IL6R: variants seen among roughly 807,000 people sequenced by gnomAD.
The protein encoded by IL6R is interleukin-6 receptor subunit alpha.
Under a neutral mutation model 48.3 loss-of-function variants are expected in IL6R, and 38 were observed. That is an observed-to-expected ratio of 0.79 (90% CI 0.61 to 1.03). The LOEUF (loss-of-function observed/expected upper bound fraction) is 1.03. IL6R is among the 50% of genes least tolerant of loss of function. The pLI is 0.00. For missense variants in IL6R, 534 were observed against 618.3 expected, an observed-to-expected ratio of 0.86 and a Z score of 1.45; for synonymous variants, 264 against 256.2, an observed-to-expected ratio of 1.03 and a Z score of -0.29.
chr1:154,434,770 C>T (rs554999928), intron 4 of IL6R, 70 bp downstream of exon 4: 91 of 1,468,376 alleles, frequency 6.2e-5, no homozygotes, highest in Non-Finnish European at 8.1e-5. Flanking sequence ...ATCGACTTCT[C>T]AGAGTGGCAG....
At chr1:154,453,338 C>G (rs972782535) in intron 8 of IL6R, among the ~76,000 whole-genome samples, 2 of 152,264 alleles carry the variant, frequency 1.3e-5, no homozygotes, top group African/African-American at 4.8e-5. Context: ...GTCTTTGCAG[C>G]CAGCGCCCGC....
Position 154,465,605 on chromosome 1 carries a change from G to A in IL6R, c.*225G>A, listed in dbSNP as rs570835300. On this transcript the variant is annotated 3_prime_UTR_variant, in exon 10 of 10. Coordinates refer to ENST00000368485, the MANE Select transcript of IL6R (RefSeq NM_000565.4). ...CCCTTTCCAAATGCCCAGCTTAAAG[G>A]GGCTAGAGTGAACTTGGGCCACTGT... 102 of 588,170 alleles carry A rather than the reference G, an allele frequency of 1.7e-4. No individual in the cohort carries two copies. In the African/African-American group the frequency reaches 1.8e-3, roughly 11 times the overall value. The allele number at this position is 588,170 out of a possible 1,614,324, so 36.4% of individuals were successfully genotyped here. A position where few individuals can be genotyped will look rare whatever the true frequency, so the allele number is the denominator to read the frequency against.
intron 4 of IL6R, 61 bp downstream of exon 4, chr1:154,434,761 T>C (rs1689513693): frequency 1.3e-6 from 2 of 1,506,636 alleles, no homozygotes; most frequent in Non-Finnish European, 1.8e-6. Flanking sequence ...ATACTCCTTA[T>C]CGACTTCTCA....
At chr1:154,453,852 T>C (rs1342771194) in intron 8 of IL6R, among the ~76,000 whole-genome samples, 1 of 151,956 alleles carries the variant, frequency 6.6e-6, no homozygotes, top group African/African-American at 2.4e-5. Flanking sequence ...CACAAAAGGG[T>C]GCAGCAAAGG....
intron 1 of IL6R, among the ~76,000 whole-genome samples, chr1:154,412,901 A>AC (rs1688110760): frequency 6.7e-6 from 1 of 149,658 alleles, no homozygotes; most frequent in African/African-American, 2.5e-5. Context: ...TGACCTGTAG[A>AC]CCCCTGCTCC....
chr1:154,452,970 C>T (rs775302209), intron 8 of IL6R, among the ~76,000 whole-genome samples: 4 of 152,052 alleles, frequency 2.6e-5, no homozygotes, highest in South Asian at 2.1e-4. Context: ...TTTGGGAGGC[C>T]GAGGTGGGCG....
chr1:154,451,774 G>A (rs1362109467), intron 8 of IL6R, among the ~76,000 whole-genome samples: 1 of 151,996 alleles, frequency 6.6e-6, no homozygotes, highest in Non-Finnish European at 1.5e-5. Context: ...CACCTCAGGT[G>A]ATCTGCCTGC....
At chr1:154,435,577 G>C (rs1411045613) in intron 5 of IL6R, among the ~76,000 whole-genome samples, 1 of 152,046 alleles carries the variant, frequency 6.6e-6, no homozygotes, top group East Asian at 1.9e-4. Context: ...TTCACAATTG[G>C]CTACCTTCGT....
chr1:154,426,365 G>GA (rs2149230335), intron 1 of IL6R, among the ~76,000 whole-genome samples: 1 of 146,744 alleles, frequency 6.8e-6, no homozygotes, highest in South Asian at 2.2e-4. Context: ...ACAAAAAAAG[G>GA]AAAAAATTAG....
At chr1:154,457,231 G>A (rs1690934011) in intron 9 of IL6R, among the ~76,000 whole-genome samples, 1 of 147,374 alleles carries the variant, frequency 6.8e-6, no homozygotes, top group Non-Finnish European at 1.5e-5. Flanking sequence ...GCTGAAGCAG[G>A]AGAATTGCTT....
At chr1:154,425,643 A>G (rs1187479209) in intron 1 of IL6R, among the ~76,000 whole-genome samples, 3 of 151,190 alleles carry the variant, frequency 2.0e-5, no homozygotes. Flanking sequence ...TCATGGTAGC[A>G]TGTACCTGTA....
At chr1:154,444,815 A>T (rs544415851) in intron 6 of IL6R, among the ~76,000 whole-genome samples, 1 of 152,268 alleles carries the variant, frequency 6.6e-6, no homozygotes, top group East Asian at 1.9e-4. Context: ...AGGTGGAAGG[A>T]TCACCTGAGC....
chr1:154,422,490 T>C (rs12048950), intron 1 of IL6R, among the ~76,000 whole-genome samples: 24,657 of 152,178 alleles, frequency 0.16, 2,050 homozygotes, highest in South Asian at 0.19. Context: ...GATATGGAAA[T>C]GATAGGAAGG....
intron 8 of IL6R, among the ~76,000 whole-genome samples, chr1:154,451,377 G>C (rs186743946): frequency 1.1e-4 from 17 of 152,160 alleles, no homozygotes; most frequent in African/African-American, 4.1e-4. Flanking sequence ...AATTAGCCAG[G>C]CGTGATGGCA....
At chr1:154,432,006 T>C (rs1384707090) in intron 3 of IL6R, among the ~76,000 whole-genome samples, 1 of 152,204 alleles carries the variant, frequency 6.6e-6, no homozygotes, top group Admixed American at 6.5e-5. Flanking sequence ...AAACCTCAGA[T>C]AAGGCAGGAC....
At chr1:154,410,143 C>G (rs1232776667) in intron 1 of IL6R, among the ~76,000 whole-genome samples, 1 of 152,146 alleles carries the variant, frequency 6.6e-6, no homozygotes, top group Non-Finnish European at 1.5e-5. Flanking sequence ...AGCCCTTTAG[C>G]TCCTTGAAGT....
intron 9 of IL6R, among the ~76,000 whole-genome samples, chr1:154,455,594 A>ATGCT: frequency 2.0e-5 from 3 of 150,384 alleles, no homozygotes; most frequent in African/African-American, 7.3e-5. Flanking sequence ...CTGGGACCAC[A>ATGCT]GGTGCCCGCT....
At chr1:154,425,776 G>GA (rs1688927559) in intron 1 of IL6R, among the ~76,000 whole-genome samples, 1 of 135,460 alleles carries the variant, frequency 7.4e-6, no homozygotes, top group Non-Finnish European at 1.6e-5. Context: ...CCTGTCCCAA[G>GA]AAAAAGAAAA....
rs1252676603 is a variant in IL6R, at chr1:154,414,729, A to T, written c.85+9015A>T. Reference sequence around the variant, plus strand: ...CCATTAGGTATTGCTCCAGGGACACAGGGTTTTTGGTGTAGACATTGGTCT... The same window carrying T: ...CCATTAGGTATTGCTCCAGGGACACTGGGTTTTTGGTGTAGACATTGGTCT... On this transcript the variant is annotated intron_variant, in intron 1 of 9. Transcript: ENST00000368485. 3.7e-6 allele frequency: 3 copies of T among 811,320 alleles called. No homozygotes were observed. The Admixed American group carries it at 5.6e-5, about 15-fold the overall frequency. The allele number at this position is 811,320 out of a possible 1,614,324, so 50.3% of individuals were successfully genotyped here.
Sources: gnomAD v4.1 joint callset for allele counts (sites outside exome capture counted in the v4.1 genomes callset) on GRCh38, gnomAD v4.1.1 for gene constraint, MANE v1.5 for transcripts, NCBI Gene and HGNC (gene_info 2026-07-23, HGNC 2026-07-21) for gene names.